The following SKIC3 variants were observed in gnomAD, a reference collection of about 807,000 sequenced individuals.
The protein encoded by SKIC3 is superkiller complex protein 3.
At chr5:95,501,019 T>A in the SKIC3 span, among the ~76,000 whole-genome samples, 1 of 152,088 alleles carries the variant, frequency 6.6e-6, no homozygotes, top group East Asian at 1.9e-4. Flanking sequence ...CTTTTTACAA[T>A]AAGAGTTAAT....
the SKIC3 span, chr5:95,484,813 G>C: frequency 3.2e-5 from 52 of 1,614,014 alleles, no homozygotes; most frequent in Admixed American, 7.2e-4. Context: ...TCAAGGGACT[G>C]GTTGTAATTT....
At chr5:95,466,118 T>G in the SKIC3 span, among the ~76,000 whole-genome samples, 1 of 152,216 alleles carries the variant, frequency 6.6e-6, no homozygotes, top group East Asian at 1.9e-4. Flanking sequence ...GTGATTTTCA[T>G]TGTGTTTTTA....
chr5:95,508,853 T>C, the SKIC3 span, among the ~76,000 whole-genome samples: 1 of 152,216 alleles, frequency 6.6e-6, no homozygotes, highest in Non-Finnish European at 1.5e-5. Context: ...AAATACATAG[T>C]AGATATTAAA....
the SKIC3 span, chr5:95,482,437 T>A: frequency 6.2e-7 from 1 of 1,605,934 alleles, no homozygotes. Flanking sequence ...TGAAGTGTTT[T>A]AATTGAGGAC....
At chr5:95,529,604 T>TGA in the SKIC3 span, among the ~76,000 whole-genome samples, 1 of 152,120 alleles carries the variant, frequency 6.6e-6, no homozygotes, top group Non-Finnish European at 1.5e-5. Context: ...CACAGATTCA[T>TGA]CTCTGCCTAA....
chr5:95,505,511 T>A, the SKIC3 span, among the ~76,000 whole-genome samples: 5 of 152,122 alleles, frequency 3.3e-5, no homozygotes, highest in Non-Finnish European at 7.4e-5. Flanking sequence ...TCTGAAATTT[T>A]TTTGGAAAAA....
the SKIC3 span, among the ~76,000 whole-genome samples, chr5:95,501,279 C>T: frequency 1.3e-5 from 2 of 152,164 alleles, no homozygotes; most frequent in East Asian, 3.9e-4. Flanking sequence ...TAAGCAAACA[C>T]GTGCTGAATG....
chr5:95,490,720 G>A, the SKIC3 span, among the ~76,000 whole-genome samples: 4 of 152,034 alleles, frequency 2.6e-5, 1 homozygote, highest in Admixed American at 2.0e-4. Flanking sequence ...GGATGGTCTC[G>A]ATCTCCTGAC....
At chr5:95,465,437 T>C in the SKIC3 span, among the ~76,000 whole-genome samples, 1 of 152,192 alleles carries the variant, frequency 6.6e-6, no homozygotes. Flanking sequence ...ATTTTACCTA[T>C]TTCACAAACT....
chr5:95,524,149 C>A, the SKIC3 span, among the ~76,000 whole-genome samples: 1 of 152,016 alleles, frequency 6.6e-6, no homozygotes, highest in African/African-American at 2.4e-5. Context: ...TGTTAAACAT[C>A]TAAAAAAACA....
the SKIC3 span, among the ~76,000 whole-genome samples, chr5:95,510,134 GTTTGGTACTTTCGGTGCAGTAT>G: frequency 6.6e-6 from 1 of 152,168 alleles, no homozygotes; most frequent in African/African-American, 2.4e-5. Context: ...CAGAAGGTAA[GTTTGGTACTTTCGGTGCAGTAT>G]TTTGAAATTT....
the SKIC3 span, chr5:95,522,170 A>ATGGATTCTGGGTTC: frequency 1.2e-6 from 2 of 1,613,894 alleles, no homozygotes; most frequent in Non-Finnish European, 1.7e-6. Flanking sequence ...CACACTGTAT[A>ATGGATTCTGGGTTC]TGGATTCTGG....
the SKIC3 span, among the ~76,000 whole-genome samples, chr5:95,530,412 A>C: frequency 6.6e-6 from 1 of 152,216 alleles, no homozygotes; most frequent in Non-Finnish European, 1.5e-5. Context: ...TAATTTAAAT[A>C]ATTATGATTT....
At chr5:95,484,679 G>A in the SKIC3 span, 2 of 1,613,214 alleles carry the variant, frequency 1.2e-6, no homozygotes, top group Non-Finnish European at 1.7e-6. Flanking sequence ...TATTTTCCCA[G>A]TAAGATAAGA....
the SKIC3 span, among the ~76,000 whole-genome samples, chr5:95,469,047 T>C: frequency 1.1e-4 from 16 of 152,204 alleles, no homozygotes; most frequent in Non-Finnish European, 2.9e-5. Context: ...TTTTGCTACA[T>C]ATTTATATGT....
At chr5:95,469,959 T>A in the SKIC3 span, 3 of 1,597,964 alleles carry the variant, frequency 1.9e-6, no homozygotes, top group Non-Finnish European at 2.6e-6. Flanking sequence ...GCATATTTAT[T>A]TGAAAAGTAT....
the SKIC3 span, chr5:95,536,802 T>C: frequency 1.4e-5 from 23 of 1,591,200 alleles, no homozygotes; most frequent in Non-Finnish European, 1.9e-5. Flanking sequence ...CACACTATAA[T>C]AAGGAAGAAA....
the SKIC3 span, among the ~76,000 whole-genome samples, chr5:95,479,012 C>A: frequency 2.0e-5 from 3 of 151,880 alleles, no homozygotes; most frequent in Non-Finnish European, 2.9e-5. Flanking sequence ...CCAGACAGTA[C>A]AATAAAGCAA....
chr5:95,501,152 T>C, the SKIC3 span, among the ~76,000 whole-genome samples: 5 of 151,770 alleles, frequency 3.3e-5, no homozygotes, highest in Non-Finnish European at 7.4e-5. Context: ...TCAATATTGA[T>C]AACAAAAAAA....
Sources: gnomAD v4.1 joint callset for allele counts (sites outside exome capture counted in the v4.1 genomes callset) on GRCh38, gnomAD v4.1.1 for gene constraint, MANE v1.5 for transcripts, NCBI Gene and HGNC (gene_info 2026-07-23, HGNC 2026-07-21) for gene names.